Variants in DIP2B observed in about 807,000 individuals in gnomAD.
The protein encoded by DIP2B is DIP2 acetate--CoA ligase B (putative).
DIP2B carries 76 observed loss-of-function variants against 198.0 expected under a neutral mutation model. The ratio of observed to expected loss-of-function variants is 0.38; its 90% CI spans 0.32 to 0.46. DIP2B has a LOEUF of 0.46. DIP2B is among the 20% of genes least tolerant of loss of function. The pLI is 0.99. For synonymous variants in DIP2B, 701 were observed against 739.1 expected (o/e 0.95, Z 0.84); for missense variants, 1,559 against 1,978.4 (o/e 0.79, Z 4.02).
In DIP2B at chr12:50,696,338, C is replaced by T. The variant is rs1258759998; in HGVS notation, c.1933+371C>T. On this transcript the variant is annotated intron_variant, in intron 16 of 37. Transcript: ENST00000301180. ...CTTCTTTTTCTTAGCATGTTTTTAA[C>T]GTTCATCCATGTTGTAGTATCTGTC... Among the ~76,000 whole-genome samples the T allele has an allele frequency of 7.9e-5, 12 of 152,298 alleles. No individual in the cohort carries two copies. The South Asian group carries it at 2.1e-3, about 26-fold the overall frequency.
intron 1 of DIP2B, among the ~76,000 whole-genome samples, chr12:50,512,837 C>G (rs1958030158): frequency 6.6e-6 from 1 of 152,206 alleles, no homozygotes; most frequent in Non-Finnish European, 1.5e-5. Context: ...GAAACCCCGT[C>G]TCTACTAAAA....
At chr12:50,619,085 G>C (rs950697933) in intron 1 of DIP2B, among the ~76,000 whole-genome samples, 9 of 152,052 alleles carry the variant, frequency 5.9e-5, no homozygotes, top group Non-Finnish European at 8.8e-5. Flanking sequence ...CTTTAAAGCA[G>C]GGTTGCATGG....
At chr12:50,577,081 G>A (rs7133449) in intron 1 of DIP2B, among the ~76,000 whole-genome samples, 3,362 of 152,186 alleles carry the variant, frequency 0.022, 63 homozygotes, top group Non-Finnish European at 0.03. Flanking sequence ...CCTGACTACA[G>A]GCGTGAGCCA....
chr12:50,505,279 C>A (rs781535402), intron 1 of DIP2B, 39 bp downstream of exon 1: 4 of 1,413,060 alleles, frequency 2.8e-6, no homozygotes, highest in Non-Finnish European at 3.7e-6. Flanking sequence ...CGGGGCCCTG[C>A]GGATCGCGGC....
intron 4 of DIP2B, among the ~76,000 whole-genome samples, chr12:50,660,842 A>G (rs889041543): frequency 1.3e-5 from 2 of 152,152 alleles, no homozygotes; most frequent in Non-Finnish European, 1.5e-5. Flanking sequence ...AAGTGTGTTT[A>G]TGTGTGTGTG....
intron 1 of DIP2B, among the ~76,000 whole-genome samples, chr12:50,596,554 T>G (rs1958880187): frequency 6.6e-6 from 1 of 152,212 alleles, no homozygotes; most frequent in Non-Finnish European, 1.5e-5. Flanking sequence ...GAGACAGTTT[T>G]CAAGTGGAAT....
chr12:50,592,985 G>A (rs1041830276), intron 1 of DIP2B, among the ~76,000 whole-genome samples: 24 of 150,374 alleles, frequency 1.6e-4, no homozygotes, highest in Non-Finnish European at 3.1e-4. Context: ...ATGACAAGTT[G>A]TCAGTGTTAG....
intron 37 of DIP2B, among the ~76,000 whole-genome samples, chr12:50,743,218 G>A (rs1421740870): frequency 2.0e-5 from 3 of 152,118 alleles, no homozygotes; most frequent in Non-Finnish European, 4.4e-5. Flanking sequence ...GGGTAGCTGG[G>A]ACTACAGGCA....
chr12:50,608,415 A>T (rs998869608), intron 1 of DIP2B, among the ~76,000 whole-genome samples: 2 of 152,088 alleles, frequency 1.3e-5, no homozygotes, highest in Non-Finnish European at 2.9e-5. Flanking sequence ...TGAGGCCAGG[A>T]GTTCGAGAGC....
intron 1 of DIP2B, among the ~76,000 whole-genome samples, chr12:50,562,498 A>G (rs968192802): frequency 6.6e-6 from 1 of 152,020 alleles, no homozygotes; most frequent in Non-Finnish European, 1.5e-5. Context: ...ACTTTGGGAA[A>G]CCGAGGGCAG....
chr12:50,739,461 G>C lies in DIP2B; in HGVS notation c.4229G>C (p.Ser1410Thr), dbSNP rs746223978. ...AGCGGCTACTACACCATCTATGATA[G>C]CGAGACTCTTCAAGCTGATCATTTC... Reference protein sequence around the residue: ...TASGYYTIYDSETLQADHFNT... With the variant: ...TASGYYTIYDTETLQADHFNT... Residue 1410 changes from serine to threonine, a missense_variant, in exon 36 of 38, where the codon AGC (serine) becomes ACC (threonine). By Grantham distance (58) the Ser-to-Thr change is moderately conservative (BLOSUM62 1). Coordinates refer to ENST00000301180, the MANE Select transcript of DIP2B (RefSeq NM_173602.3). The C allele has an allele frequency of 3.7e-6, 6 of 1,614,196 alleles. No homozygotes were observed. Among genetic ancestry groups the C allele is most frequent in the Admixed American group, 1.7e-5 (1 of 60,020 alleles).
At chr12:50,613,326 G>A (rs994855891) in intron 1 of DIP2B, among the ~76,000 whole-genome samples, 8 of 152,158 alleles carry the variant, frequency 5.3e-5, no homozygotes, top group East Asian at 1.9e-4. Flanking sequence ...TACCTAGAAC[G>A]AAATAGGCAG....
At chr12:50,554,773 T>C (rs1475954981) in intron 1 of DIP2B, among the ~76,000 whole-genome samples, 1 of 139,078 alleles carries the variant, frequency 7.2e-6, no homozygotes, top group Non-Finnish European at 1.6e-5. Context: ...CCCCCGCCCC[T>C]TTTTTTTTCT....
intron 1 of DIP2B, among the ~76,000 whole-genome samples, chr12:50,532,725 G>A (rs986061103): frequency 2.6e-5 from 4 of 152,090 alleles, no homozygotes; most frequent in Non-Finnish European, 5.9e-5. Flanking sequence ...GTCTCAGCTG[G>A]GAATGTAGGG....
At chr12:50,630,547 T>C (rs1938027682) in intron 2 of DIP2B, among the ~76,000 whole-genome samples, 1 of 152,176 alleles carries the variant, frequency 6.6e-6, no homozygotes, top group South Asian at 2.1e-4. Flanking sequence ...TGGTGTTTTT[T>C]TATCCTAAGG....
rs932795444 is a variant in DIP2B, at chr12:50,696,998, C to G, written c.1934-63C>G. On this transcript the variant is annotated intron_variant, in intron 16 of 37. Transcript: ENST00000301180. ...AGTATGTCAGCTTTCTATTCTTTAC[C>G]ATTTTCCTACAGTAATGAAAAGCAT... 56 of 1,245,492 alleles carry G rather than the reference C, an allele frequency of 4.5e-5. No homozygotes were observed. In the African/African-American group the frequency reaches 7.2e-4, roughly 16 times the overall value. 77.2% of individuals were successfully genotyped at this position (1,245,492 alleles called of 1,614,324 possible).
chr12:50,704,317 T>TA, intron 20 of DIP2B, 97 bp downstream of exon 20: 1 of 1,123,618 alleles, frequency 8.9e-7, no homozygotes. Context: ...CCAAGAGTGT[T>TA]ACAGAACCAC....
chr12:50,690,900 C>T, intron 12 of DIP2B, 149 bp from the exon 13 acceptor site: 2 of 614,582 alleles, frequency 3.3e-6, no homozygotes, highest in South Asian at 2.0e-5. Context: ...AGTTTGAGAC[C>T]CTAGTACATT....
In DIP2B at chr12:50,698,345, C is replaced by T. The variant is rs372858878; in HGVS notation, c.2066C>T (p.Ala689Val). The T allele has an allele frequency of 6.2e-6, 10 of 1,612,598 alleles. No homozygotes were observed. Among genetic ancestry groups the T allele is most frequent in the Non-Finnish European group, 7.6e-6 (9 of 1,179,336 alleles). ...VAIRRPGVPG[A>V]PLPGRAILSM... ...CTTTTCAGGCCTGGAGTTCCAGGAG[C>T]CCCTTTGCCAGGAAGAGCCATTCTC... Residue 689 changes from alanine to valine, a missense_variant, in exon 18 of 38, where the codon GCC becomes GTC. Ala to Val is a moderately conservative substitution (Grantham distance 64, BLOSUM62 0). Coordinates refer to ENST00000301180, the MANE Select transcript of DIP2B (RefSeq NM_173602.3).
Sources: gnomAD v4.1 joint callset for allele counts (sites outside exome capture counted in the v4.1 genomes callset) on GRCh38, gnomAD v4.1.1 for gene constraint, MANE v1.5 for transcripts, NCBI Gene and HGNC (gene_info 2026-07-23, HGNC 2026-07-21) for gene names.